NUSAP1: variants seen among roughly 807,000 people sequenced by gnomAD.
The protein encoded by NUSAP1 is nucleolar and spindle associated protein 1.
Under a neutral mutation model 52.8 loss-of-function variants are expected in NUSAP1, and 32 were observed. The ratio of observed to expected loss-of-function variants is 0.61; its 90% CI spans 0.46 to 0.81. NUSAP1 has a LOEUF of 0.81. Ranked by LOEUF, NUSAP1 falls within the 40% of genes least tolerant of loss-of-function variation. The probability of loss-of-function intolerance (pLI) is 0.00; values close to 1 mark genes in which losing one functional copy is unlikely to be tolerated. For missense variants in NUSAP1, 499 were observed against 522.3 expected, an observed-to-expected ratio of 0.96 and a Z score of 0.43; for synonymous variants, 195 against 183.1, an observed-to-expected ratio of 1.06 and a Z score of -0.52.
Position 41,365,392 on chromosome 15 carries a change from T to G in NUSAP1, c.661-10T>G. 1 of 1,592,422 alleles carries G rather than the reference T, an allele frequency of 6.3e-7. No homozygotes were observed. Among genetic ancestry groups the G allele is most frequent in the Non-Finnish European group, 8.6e-7 (1 of 1,166,892 alleles). On this transcript the variant is annotated splice_polypyrimidine_tract_variant and intron_variant, in intron 6 of 10. Coordinates refer to ENST00000559596, the MANE Select transcript of NUSAP1 (RefSeq NM_016359.5). ...GGCCAAGCTTTTAAAATGATGCATT[T>G]TCTCTTCAGCAGCAGCCCATCAATA...
rs185797230 is a variant in NUSAP1 at position 41,341,020 on chromosome 15, C to A, written c.94-1366C>A. ...GAAGGATGGCTGTGGCCCTCAACTG[C>A]ATGGCTGGGTGGAAGAGGAAGAAAA... On this transcript the variant is annotated intron_variant, in intron 1 of 10. Transcript: ENST00000559596. Among the ~76,000 whole-genome samples the A allele has an allele frequency of 5.3e-5, 8 of 152,264 alleles. 1 individual carries two copies. In the East Asian group the frequency reaches 1.5e-3, roughly 29 times the overall value.
chr15:41,346,872 T>G (rs2048595945), intron 2 of NUSAP1, among the ~76,000 whole-genome samples: 1 of 127,228 alleles, frequency 7.9e-6, no homozygotes, highest in African/African-American at 2.9e-5. Context: ...AATAAATAAA[T>G]AAATAAATAC....
intron 7 of NUSAP1, among the ~76,000 whole-genome samples, chr15:41,368,286 A>G (rs775347843): frequency 6.6e-6 from 1 of 151,986 alleles, no homozygotes; most frequent in African/African-American, 2.4e-5. Flanking sequence ...CCAAAGTACT[A>G]AGAATACAGG....
Position 41,380,214 on chromosome 15 carries a change from C to A in NUSAP1, c.*28C>A. The A allele has an allele frequency of 6.8e-7, 1 of 1,465,458 alleles. No individual in the cohort carries two copies. The highest frequency in any genetic ancestry group is 1.3e-5 in the South Asian group (1 of 77,302). The allele number at this position is 1,465,458 out of a possible 1,614,324, so 90.8% of individuals were successfully genotyped here. On this transcript the variant is annotated 3_prime_UTR_variant, in exon 11 of 11. Transcript: ENST00000559596. Reference sequence around the variant, plus strand: ...ATTTTTTAACATCTTGTAAATATTCCTGTATTCTCAACTTTTTTCCTTTTG... The same window carrying A: ...ATTTTTTAACATCTTGTAAATATTCATGTATTCTCAACTTTTTTCCTTTTG...
At chr15:41,335,364 C>A (rs1334401875) in intron 1 of NUSAP1, among the ~76,000 whole-genome samples, 1 of 135,368 alleles carries the variant, frequency 7.4e-6, no homozygotes, top group South Asian at 2.2e-4. Flanking sequence ...CTAAAATAAA[C>A]TAAATATATA....
At chr15:41,360,307 T>TTTTGTTTGTTTG (rs199646414) in intron 6 of NUSAP1, among the ~76,000 whole-genome samples, 13 of 148,860 alleles carry the variant, frequency 8.7e-5, no homozygotes, top group African/African-American at 3.2e-4. Context: ...CCCGGCTAAT[T>TTTTGTTTGTTTG]TTTGTTTGTT....
chr15:41,336,811 C>A (rs536215296), intron 1 of NUSAP1, among the ~76,000 whole-genome samples: 5 of 150,884 alleles, frequency 3.3e-5, no homozygotes, highest in African/African-American at 9.7e-5. Flanking sequence ...CACACCTGGC[C>A]CATTTTCTTC....
chr15:41,373,611 G>A (rs1485501581), intron 8 of NUSAP1, among the ~76,000 whole-genome samples: 5 of 151,334 alleles, frequency 3.3e-5, no homozygotes, highest in East Asian at 2.0e-4. Flanking sequence ...CACCACGCCC[G>A]GCTAATTTTT....
At chr15:41,345,656 A>AC in intron 2 of NUSAP1, 1 of 262,462 alleles carries the variant, frequency 3.8e-6, no homozygotes, top group Non-Finnish European at 7.5e-6. Context: ...ACGGGGTTTC[A>AC]CATGTTTGTC....
At chr15:41,366,015 C>G (rs1384920731) in intron 7 of NUSAP1, among the ~76,000 whole-genome samples, 3 of 151,624 alleles carry the variant, frequency 2.0e-5, no homozygotes, top group Non-Finnish European at 4.4e-5. Context: ...CCACCACGCC[C>G]GGCCCATAGT....
rs2140631317 is a variant in NUSAP1, at chr15:41,351,072, G to A, written c.391G>A (p.Ala131Thr). Residue 131 changes from alanine (A) to threonine (T), a missense_variant, in exon 4 of 11, where the codon GCA becomes ACA. Ala to Thr is a moderately conservative substitution (Grantham distance 58, BLOSUM62 0). Coordinates refer to ENST00000559596, the MANE Select transcript of NUSAP1 (RefSeq NM_016359.5). ...GGAAAGCCAGGATCTCAGAGCTACT[G>A]CAAAAGTTCCTTCTCCACCAGACGA... ...KQESQDLRATAKVPSPPDEHQ... is the reference protein window; with the variant it reads ...KQESQDLRATTKVPSPPDEHQ... 1.2e-6 allele frequency: 2 copies of A among 1,613,774 alleles called. No homozygotes were observed. The highest frequency in any genetic ancestry group is 1.1e-5 in the South Asian group (1 of 91,028).
chr15:41,344,419 A>T (rs915642788), intron 2 of NUSAP1, among the ~76,000 whole-genome samples: 4 of 151,470 alleles, frequency 2.6e-5, no homozygotes, highest in Admixed American at 6.6e-5. Flanking sequence ...CGGGTGGATT[A>T]TGAGGTCAAG....
chr15:41,334,620 C>A (rs970703133), intron 1 of NUSAP1, among the ~76,000 whole-genome samples: 4 of 152,202 alleles, frequency 2.6e-5, no homozygotes, highest in Non-Finnish European at 5.9e-5. Context: ...TCCCTGAACA[C>A]TTGGCACTTT....
At chr15:41,363,300 AAAG>A (rs1266728576) in intron 6 of NUSAP1, among the ~76,000 whole-genome samples, 8 of 150,850 alleles carry the variant, frequency 5.3e-5, no homozygotes, top group Non-Finnish European at 1.0e-4. Flanking sequence ...AAAAAAAAAA[AAAG>A]ATCTTGCCTG....
At chr15:41,350,920 A>G in intron 3 of NUSAP1, 68 bp from the exon 4 acceptor site, 1 of 1,374,914 alleles carries the variant, frequency 7.3e-7, no homozygotes, top group Non-Finnish European at 1.0e-6. Context: ...TCACTTTGGT[A>G]CTTATCTTTG....
intron 2 of NUSAP1, among the ~76,000 whole-genome samples, chr15:41,345,257 C>T (rs905396839): frequency 2.6e-5 from 4 of 152,018 alleles, no homozygotes; most frequent in African/African-American, 9.7e-5. Context: ...ACCTCTGCCT[C>T]CCAAAGTGCT....
intron 7 of NUSAP1, among the ~76,000 whole-genome samples, chr15:41,367,188 A>G (rs560335489): frequency 1.2e-4 from 19 of 152,308 alleles, no homozygotes; most frequent in African/African-American, 4.6e-4. Flanking sequence ...TACTAGGAGT[A>G]CAGGGGCGTT....
intron 1 of NUSAP1, among the ~76,000 whole-genome samples, chr15:41,337,941 T>TC (rs2048223882): frequency 1.4e-5 from 2 of 146,602 alleles, no homozygotes; most frequent in Admixed American, 1.4e-4. Flanking sequence ...CTTTTTTTTT[T>TC]TTTTTTTTTG....
intron 5 of NUSAP1, 147 bp from the exon 6 acceptor site, chr15:41,358,002 T>A (rs565467039): frequency 2.0e-6 from 1 of 502,460 alleles, no homozygotes; most frequent in South Asian, 3.1e-5. Flanking sequence ...AAAAACTAAG[T>A]ATTTTGAAAT....
Sources: allele counts gnomAD v4.1 joint callset (sites outside exome capture counted in the v4.1 genomes callset), GRCh38; gene constraint gnomAD v4.1.1; transcripts MANE v1.5; gene names NCBI Gene and HGNC (gene_info 2026-07-23, HGNC 2026-07-21).